LRCH2: variants seen among roughly 807,000 people sequenced by gnomAD.
LRCH2 encodes leucine rich repeats and calponin homology domain containing 2.
In LRCH2, 38 loss-of-function variants were observed where a neutral mutation model predicts 68.9. That is an observed-to-expected ratio of 0.55 (90% confidence interval 0.43 to 0.72). The LOEUF (loss-of-function observed/expected upper bound fraction) is 0.72. Ranked by LOEUF, LRCH2 falls within the 30% of genes least tolerant of loss-of-function variation. The probability of loss-of-function intolerance (pLI) is 0.00; values close to 1 mark genes in which losing one functional copy is unlikely to be tolerated. For missense variants in LRCH2, 528 were observed against 572.9 expected, an observed-to-expected ratio of 0.92 and a Z score of 0.80; for synonymous variants, 191 against 208.1, an observed-to-expected ratio of 0.92 and a Z score of 0.71.
intron 14 of LRCH2, among the ~76,000 whole-genome samples, chrX:115,146,838 T>C (rs1556536373): frequency 1.9e-5 from 2 of 106,226 alleles, no homozygotes; most frequent in Non-Finnish European, 3.9e-5. Flanking sequence ...GGGACTTACC[T>C]GAAAAAAATA....
intron 1 of LRCH2, among the ~76,000 whole-genome samples, chrX:115,230,872 C>T (rs1016447300): frequency 9.1e-6 from 1 of 110,393 alleles, no homozygotes; most frequent in Non-Finnish European, 1.9e-5. Flanking sequence ...TTAGAATTAC[C>T]TGGGAAGATT....
rs2072473735 is a variant in LRCH2 at position 115,156,206 on chromosome X, G to T, written c.1529+396C>A. Among the ~76,000 whole-genome samples, 3 of 111,319 alleles carry T rather than the reference G, an allele frequency of 2.7e-5. 1 individual carries two copies. In the Admixed American group the frequency reaches 2.9e-4, roughly 11 times the overall value. On this transcript the variant is annotated intron_variant, in intron 12 of 20. Transcript: ENST00000317135. ...TAGTTCTCAGGAATTCATATATGTG[G>T]ATTTATATCATGTATTCACATAGAA...
At chrX:115,202,751 G>A (rs1417363170) in intron 1 of LRCH2, among the ~76,000 whole-genome samples, 2 of 111,952 alleles carry the variant, frequency 1.8e-5, no homozygotes, top group East Asian at 5.6e-4. Flanking sequence ...TGGATAAACT[G>A]TGGAATATCC....
At chrX:115,226,914 C>T (rs990761795) in intron 1 of LRCH2, among the ~76,000 whole-genome samples, 3 of 111,343 alleles carry the variant, frequency 2.7e-5, no homozygotes, top group Admixed American at 1.9e-4. Flanking sequence ...GCTGTTCAAA[C>T]GACCAAATCA....
intron 1 of LRCH2, among the ~76,000 whole-genome samples, chrX:115,206,291 T>C: frequency 8.9e-6 from 1 of 112,540 alleles, no homozygotes; most frequent in Non-Finnish European, 1.9e-5. Context: ...ATAATAAATC[T>C]TGCTGGGAAC....
chrX:115,190,208 T>A (rs1016517358), intron 1 of LRCH2: 2 of 1,166,051 alleles, frequency 1.7e-6, no homozygotes, highest in Non-Finnish European at 2.3e-6. Context: ...GTCCCTGCGC[T>A]CAGAGACTAC....
chrX:115,170,529 T>A (rs2072596794), intron 5 of LRCH2, 97 bp from the exon 6 acceptor site: 1 of 764,451 alleles, frequency 1.3e-6, no homozygotes, highest in African/African-American at 2.2e-5. Flanking sequence ...CATTGAGACA[T>A]CACAATCTTG....
At position 115,122,903 on chromosome X, in the gene LRCH2, G is replaced by GAA. The variant is rs782583160; in HGVS notation, c.1963-8_1963-7dup. The GAA allele has an allele frequency of 8.4e-7, 1 of 1,194,212 alleles. No individual in the cohort carries two copies. Among genetic ancestry groups the GAA allele is most frequent in the East Asian group, 3.0e-5 (1 of 33,555 alleles). ...TTTAACCTGGATTCAAGATTCTATA[G>GAA]AAAAACAGGTATAAATCAGATACTC... On this transcript the variant is annotated splice_region_variant and splice_polypyrimidine_tract_variant and intron_variant, in intron 18 of 20. Transcript: ENST00000317135.
intron 12 of LRCH2, among the ~76,000 whole-genome samples, chrX:115,155,642 ACTTT>A (rs1490362250): frequency 1.8e-5 from 2 of 112,075 alleles, no homozygotes; most frequent in African/African-American, 6.5e-5. Flanking sequence ...CATATGTGAC[ACTTT>A]CTGTGTGCTA....
chrX:115,146,417 TAA>T (rs1208526350), intron 14 of LRCH2, among the ~76,000 whole-genome samples: 5 of 110,765 alleles, frequency 4.5e-5, no homozygotes, highest in African/African-American at 1.3e-4. Flanking sequence ...TCAAAATAAC[TAA>T]GAGTATAATT....
intron 1 of LRCH2, among the ~76,000 whole-genome samples, chrX:115,210,976 A>G (rs2073003265): frequency 8.9e-6 from 1 of 111,814 alleles, no homozygotes; most frequent in Non-Finnish European, 1.9e-5. Flanking sequence ...CTGTATCCCC[A>G]TTGTATCTAG....
intron 1 of LRCH2, among the ~76,000 whole-genome samples, chrX:115,194,337 A>G (rs2072871579): frequency 8.9e-6 from 1 of 111,946 alleles, no homozygotes; most frequent in Non-Finnish European, 1.9e-5. Context: ...ATGTTTCCCA[A>G]TATTCTGGCT....
At chrX:115,155,850 T>C (rs1177688417) in intron 12 of LRCH2, among the ~76,000 whole-genome samples, 2 of 111,793 alleles carry the variant, frequency 1.8e-5, no homozygotes, top group Non-Finnish European at 3.8e-5. Context: ...ATGTACAAGA[T>C]GAAGCTCTCA....
At chrX:115,184,367 T>A (rs1010563348) in intron 3 of LRCH2, 44 bp downstream of exon 3, 1 of 979,973 alleles carries the variant, frequency 1.0e-6, no homozygotes, top group African/African-American at 2.0e-5. Context: ...AAAATGTAGA[T>A]ATATTACGCA....
intron 11 of LRCH2, among the ~76,000 whole-genome samples, chrX:115,162,080 C>T (rs1315447072): frequency 8.3e-5 from 9 of 108,720 alleles, no homozygotes; most frequent in South Asian, 4.1e-4. Context: ...CCACCATGCC[C>T]GGCTAATTTT....
rs2072560974 is a variant in LRCH2, at chrX:115,166,478, G to T, written c.999-136C>A. On this transcript the variant is annotated intron_variant, in intron 6 of 20. Transcript: ENST00000317135. ...AGATCCTTAATTAGGGACATGAGGA[G>T]AAAAATATCAGAACTCTTCCTACAA... 3.2e-5 allele frequency: 14 copies of T among 432,246 alleles called. No individual in the cohort carries two copies. The South Asian group carries it at 4.8e-4, about 15-fold the overall frequency. 35.6% of individuals were successfully genotyped at this position (432,246 alleles called of 1,213,427 possible).
intron 14 of LRCH2, among the ~76,000 whole-genome samples, chrX:115,144,582 A>G (rs1167965000): frequency 9.0e-6 from 1 of 110,914 alleles, no homozygotes; most frequent in Non-Finnish European, 1.9e-5. Context: ...AAAAAAATAG[A>G]ACTGATAAAT....
intron 14 of LRCH2, among the ~76,000 whole-genome samples, chrX:115,141,274 G>A (rs782555058): frequency 2.7e-5 from 3 of 110,374 alleles, no homozygotes; most frequent in East Asian, 5.7e-4. Context: ...GATAGTGCCT[G>A]TGTCACAGCC....
rs1556522840 is a variant in LRCH2, at chrX:115,111,913, T to A, written c.*1303A>T. On this transcript the variant is annotated 3_prime_UTR_variant, in exon 21 of 21. Transcript: ENST00000317135. Reference sequence around the variant, plus strand: ...TACTTAAGATATGATGCTTGCTTGGTTACTACAAAAGTAATTATTCAGGTT... The same window carrying A: ...TACTTAAGATATGATGCTTGCTTGGATACTACAAAAGTAATTATTCAGGTT... 8.9e-6 allele frequency: 1 copy of A among 112,213 alleles called. No individual in the cohort carries two copies. Among genetic ancestry groups the A allele is most frequent in the Non-Finnish European group, 1.9e-5 (1 of 53,080 alleles). The allele number at this position is 112,213 out of a possible 1,213,427, so 9.2% of individuals were successfully genotyped here.
Sources: allele counts gnomAD v4.1 joint callset (sites outside exome capture counted in the v4.1 genomes callset), GRCh38; gene constraint gnomAD v4.1.1; transcripts MANE v1.5; gene names NCBI Gene and HGNC (gene_info 2026-07-23, HGNC 2026-07-21).